The following PAPPA2 variants were observed in gnomAD, a reference collection of about 807,000 sequenced individuals.
The protein encoded by PAPPA2 is pappalysin 2.
In PAPPA2, 86 loss-of-function variants were observed where a neutral mutation model predicts 176.4. The ratio of observed to expected loss-of-function variants is 0.49; its 90% CI spans 0.41 to 0.58. The LOEUF (loss-of-function observed/expected upper bound fraction) is 0.58. Ranked by LOEUF, PAPPA2 falls within the 20% of genes least tolerant of loss-of-function variation. The probability of loss-of-function intolerance (pLI) is 0.00; values close to 1 mark genes in which losing one functional copy is unlikely to be tolerated. For synonymous variants in PAPPA2, 809 were observed against 852.2 expected (o/e 0.95, Z 0.88); for missense variants, 2,073 against 2,256.9 (o/e 0.92, Z 1.65).
intron 1 of PAPPA2, among the ~76,000 whole-genome samples, chr1:176,464,691 C>T (rs758938199): frequency 2.0e-5 from 3 of 152,164 alleles, no homozygotes; most frequent in African/African-American, 4.8e-5. Flanking sequence ...CATGGCTCTC[C>T]GCATAGTTAT....
At chr1:176,794,659 C>G (rs898502241) in intron 20 of PAPPA2, among the ~76,000 whole-genome samples, 1 of 152,144 alleles carries the variant, frequency 6.6e-6, no homozygotes, top group Admixed American at 6.5e-5. Flanking sequence ...CCTATTGGAA[C>G]ACCTCTGACA....
At chr1:176,547,580 T>C (rs1650709377) in intron 1 of PAPPA2, among the ~76,000 whole-genome samples, 1 of 152,198 alleles carries the variant, frequency 6.6e-6, no homozygotes, top group Non-Finnish European at 1.5e-5. Flanking sequence ...TAAGAGCAAC[T>C]GCATGGTTTG....
chr1:176,715,553 C>T (rs1661331612), intron 12 of PAPPA2, among the ~76,000 whole-genome samples: 1 of 152,166 alleles, frequency 6.6e-6, no homozygotes, highest in South Asian at 2.1e-4. Context: ...ATCTCATAAC[C>T]ATTCCCGACT....
chr1:176,763,891 T>G (rs1558568449), intron 14 of PAPPA2, among the ~76,000 whole-genome samples: 2 of 152,192 alleles, frequency 1.3e-5, no homozygotes, highest in Non-Finnish European at 2.9e-5. Context: ...ACTGAATGCC[T>G]GATACTGGGT....
At chr1:176,632,734 A>T (rs1302438655) in intron 3 of PAPPA2, among the ~76,000 whole-genome samples, 1 of 152,190 alleles carries the variant, frequency 6.6e-6, no homozygotes, top group Non-Finnish European at 1.5e-5. Flanking sequence ...CTTTTAGTGT[A>T]TTCTTTCTCT....
At chr1:176,618,084 A>C (rs1655371672) in intron 3 of PAPPA2, among the ~76,000 whole-genome samples, 1 of 152,172 alleles carries the variant, frequency 6.6e-6, no homozygotes, top group African/African-American at 2.4e-5. Context: ...GAATTTGAGA[A>C]ATGTAGTTAA....
intron 3 of PAPPA2, among the ~76,000 whole-genome samples, chr1:176,632,225 A>G (rs1416293871): frequency 7.4e-6 from 1 of 135,930 alleles, no homozygotes; most frequent in Non-Finnish European, 1.6e-5. Flanking sequence ...AATAATTAGT[A>G]GTGATGTGTG....
At chr1:176,715,445 C>A (rs1251120630) in intron 12 of PAPPA2, among the ~76,000 whole-genome samples, 1 of 152,148 alleles carries the variant, frequency 6.6e-6, no homozygotes, top group African/African-American at 2.4e-5. Flanking sequence ...TCTCTACAGA[C>A]CCAATGTGGC....
rs564425597 is a variant in PAPPA2 at position 176,516,706 on chromosome 1, A to T, written c.-916-38701A>T. Among the ~76,000 whole-genome samples the T allele has an allele frequency of 1.6e-3, 246 of 152,326 alleles. 2 individuals are homozygous for T. Among genetic ancestry groups the T allele is most frequent in the Non-Finnish European group, 9.3e-4 (63 of 68,038 alleles). ...TGGAAGCAAAGAGCAAGCCCTTACC[A>T]TACACCAAAACTATAAGAAAGTCCA... On this transcript the variant is annotated intron_variant, in intron 1 of 22. Transcript: ENST00000367662.
intron 2 of PAPPA2, among the ~76,000 whole-genome samples, chr1:176,563,098 TC>T (rs1339155809): frequency 6.6e-6 from 1 of 152,190 alleles, no homozygotes; most frequent in African/African-American, 2.4e-5. Flanking sequence ...TTCCAAAATA[TC>T]TAGCACAGTA....
chr1:176,838,043 T>C (rs759413728), intron 21 of PAPPA2, among the ~76,000 whole-genome samples: 4 of 152,196 alleles, frequency 2.6e-5, no homozygotes, highest in Non-Finnish European at 5.9e-5. Context: ...CTCTTTTCTA[T>C]AAACTTCGTT....
intron 12 of PAPPA2, among the ~76,000 whole-genome samples, chr1:176,714,414 A>T (rs1015938375): frequency 7.2e-5 from 11 of 152,184 alleles, no homozygotes; most frequent in Non-Finnish European, 1.0e-4. Context: ...GGGAGAAAAA[A>T]AAAAAAGGAT....
intron 3 of PAPPA2, among the ~76,000 whole-genome samples, chr1:176,661,003 T>C (rs1300714241): frequency 6.6e-6 from 1 of 152,126 alleles, no homozygotes; most frequent in African/African-American, 2.4e-5. Context: ...ATTTGTTACA[T>C]AAACACCAAA....
At chr1:176,826,227 A>C (rs536564651) in intron 21 of PAPPA2, among the ~76,000 whole-genome samples, 4 of 152,212 alleles carry the variant, frequency 2.6e-5, no homozygotes, top group Non-Finnish European at 5.9e-5. Flanking sequence ...AGAAAATACA[A>C]CTGAGAGATG....
At chr1:176,635,464 C>T (rs1241851686) in intron 3 of PAPPA2, among the ~76,000 whole-genome samples, 2 of 152,132 alleles carry the variant, frequency 1.3e-5, no homozygotes, top group Non-Finnish European at 2.9e-5. Flanking sequence ...GCTGTGAGTT[C>T]TCAGGTTTGG....
At chr1:176,840,330 T>C in intron 22 of PAPPA2, 59 bp downstream of exon 22, 10 of 1,320,396 alleles carry the variant, frequency 7.6e-6, no homozygotes, top group Non-Finnish European at 1.1e-5. Flanking sequence ...AGGCAGGGTC[T>C]TCAGCTAGCT....
chr1:176,568,810 A>C (rs1210691560), intron 2 of PAPPA2, among the ~76,000 whole-genome samples: 1 of 152,214 alleles, frequency 6.6e-6, no homozygotes, highest in African/African-American at 2.4e-5. Flanking sequence ...AGTTTCGGTC[A>C]CAATAATTCT....
At chr1:176,759,579 A>G (rs1471475240) in intron 14 of PAPPA2, among the ~76,000 whole-genome samples, 1 of 152,274 alleles carries the variant, frequency 6.6e-6, no homozygotes, top group Middle Eastern at 3.4e-3. Flanking sequence ...CCTCAGGGAA[A>G]CCTTGAACCA....
At position 176,482,154 on chromosome 1, in the gene PAPPA2, A is replaced by G. The variant is rs149340208; in HGVS notation, c.-917+18736A>G. Among the ~76,000 whole-genome samples, 333 of 152,348 alleles carry G rather than the reference A, an allele frequency of 2.2e-3. 2 individuals are homozygous for G. The highest frequency in any genetic ancestry group is 0.017 in the Middle Eastern group (5 of 294). On this transcript the variant is annotated intron_variant, in intron 1 of 22. Transcript: ENST00000367662. ...TCACTGTGAAAAAATCTCACTGCAT[A>G]GAGGTAAAAGAGGACAGCCATTCAA... is the stretch of plus-strand genomic sequence containing the variant.
Sources: allele counts gnomAD v4.1 joint callset (sites outside exome capture counted in the v4.1 genomes callset), GRCh38; gene constraint gnomAD v4.1.1; transcripts MANE v1.5; gene names NCBI Gene and HGNC (gene_info 2026-07-23, HGNC 2026-07-21).